Variants in ESRRG observed in about 807,000 individuals in gnomAD.
ESRRG encodes estrogen-related receptor gamma.
Under a neutral mutation model 44.0 loss-of-function variants are expected in ESRRG, and 13 were observed. The observed-to-expected ratio is 0.30, with a 90% CI of 0.19 to 0.47. The LOEUF is 0.47. ESRRG is among the 20% of genes least tolerant of loss of function. ESRRG has a pLI of 1.00. For missense variants in ESRRG, 395 were observed against 580.6 expected (o/e 0.68, Z 3.29); for synonymous variants, 215 against 214.6 (o/e 1.00, Z -0.02).
intron 1 of ESRRG, among the ~76,000 whole-genome samples, chr1:216,998,269 A>G (rs2076610894): frequency 6.6e-6 from 1 of 152,230 alleles, no homozygotes; most frequent in East Asian, 1.9e-4. Flanking sequence ...ATAGATATTA[A>G]CATTGTCTAT....
chr1:216,535,520 T>G (rs2149187728), intron 5 of ESRRG, among the ~76,000 whole-genome samples: 1 of 152,260 alleles, frequency 6.6e-6, no homozygotes, highest in African/African-American at 2.4e-5. Context: ...CTTGACCTAC[T>G]TCCCTTCTTG....
At chr1:216,755,415 G>C (rs2092383450) in intron 2 of ESRRG, among the ~76,000 whole-genome samples, 1 of 151,644 alleles carries the variant, frequency 6.6e-6, no homozygotes, top group Admixed American at 6.6e-5. Flanking sequence ...AGGAGCATTT[G>C]GTTAAATAAA....
chr1:217,091,350 CT>C, upstream of ESRRG, among the ~76,000 whole-genome samples: 4 of 152,222 alleles, frequency 2.6e-5, no homozygotes, highest in African/African-American at 9.6e-5. Flanking sequence ...GAGAGAAAAA[CT>C]TTTGAATTCA....
At chr1:217,002,401 G>T (rs2077163073) in intron 1 of ESRRG, among the ~76,000 whole-genome samples, 1 of 151,482 alleles carries the variant, frequency 6.6e-6, no homozygotes, top group African/African-American at 2.4e-5. Flanking sequence ...TTTTAGGGCA[G>T]ATCCGTCCCT....
Position 216,505,914 on chromosome 1 carries a change from A to G in ESRRG, c.*1025T>C, listed in dbSNP as rs2041109955. The G allele has an allele frequency of 6.6e-6, 1 of 152,660 alleles. No homozygotes were observed. The highest frequency in any genetic ancestry group is 2.4e-5 in the African/African-American group (1 of 41,460). The allele number at this position is 152,660 out of a possible 1,614,324, so 9.5% of individuals were successfully genotyped here. On this transcript the variant is annotated 3_prime_UTR_variant, in exon 7 of 7. Transcript: ENST00000408911. ...AAATCTCCATTTGTAAGAAGAAACA[A>G]AACATTTTTAAAAATCTTCCTTCAG...
At chr1:216,741,203 TTTATATAATTTATA>T (rs1406522394) in intron 2 of ESRRG, among the ~76,000 whole-genome samples, 2 of 147,370 alleles carry the variant, frequency 1.4e-5, no homozygotes, top group Admixed American at 6.8e-5. Flanking sequence ...ATATTTATAA[TTTATATAATTTATA>T]TTATATAATT....
In ESRRG at chr1:217,069,104, A is replaced by G. The variant is rs111917279; in HGVS notation, c.-106+20403T>C. The stretch of plus-strand genomic sequence containing the variant: ...AACATTTGAGTCAGTGGACTGGGAA[A>G]GGCTGACCCATCCTTAATCTGTTTG... On this transcript the variant is annotated intron_variant, in intron 1 of 7. Coordinates refer to the ESRRG transcript ENST00000359162. Among the ~76,000 whole-genome samples, 907 of 152,338 alleles carry G rather than the reference A, an allele frequency of 6.0e-3. 8 individuals carry two copies. The highest frequency in any genetic ancestry group is 0.021 in the African/African-American group (877 of 41,578).
At chr1:217,129,470 T>G (rs2092932495) in intron 1 of ESRRG, among the ~76,000 whole-genome samples, 1 of 152,176 alleles carries the variant, frequency 6.6e-6, no homozygotes. Flanking sequence ...AAAACATATG[T>G]TTAAACAAAA....
At chr1:216,717,535 A>G (rs1350501335) in intron 1 of ESRRG, among the ~76,000 whole-genome samples, 5 of 151,890 alleles carry the variant, frequency 3.3e-5, no homozygotes, top group Non-Finnish European at 5.9e-5. Flanking sequence ...TTAAAAACAC[A>G]ATAGCAGTAA....
At chr1:216,659,432 C>T (rs1005985685) in intron 2 of ESRRG, among the ~76,000 whole-genome samples, 3 of 152,216 alleles carry the variant, frequency 2.0e-5, no homozygotes, top group East Asian at 3.9e-4. Context: ...AACCACATCT[C>T]ATGAACACTT....
At chr1:216,709,316 G>GAT (rs2083102586) in intron 1 of ESRRG, among the ~76,000 whole-genome samples, 1 of 133,756 alleles carries the variant, frequency 7.5e-6, no homozygotes, top group African/African-American at 2.8e-5. Flanking sequence ...TGTGTGTACA[G>GAT]ATATATATGT....
chr1:216,688,308 T>G lies in ESRRG; in HGVS notation c.57-10817A>C, dbSNP rs571467315. ...GAAATTGGCTGTCAAGACAGGATTGTTGTGATTTATACCCGTCTATCAAGT... is the reference window on the plus strand; with the variant it reads ...GAAATTGGCTGTCAAGACAGGATTGGTGTGATTTATACCCGTCTATCAAGT... On this transcript the variant is annotated intron_variant, in intron 1 of 6. Coordinates refer to ENST00000408911, the MANE Select transcript of ESRRG (RefSeq NM_001438.4). Among the ~76,000 whole-genome samples the G allele has an allele frequency of 3.9e-5, 6 of 152,308 alleles. No homozygotes were observed. In the South Asian group the frequency reaches 1.0e-3, roughly 26 times the overall value.
chr1:216,737,329 G>C (rs767965083), intron 2 of ESRRG, among the ~76,000 whole-genome samples: 1 of 152,240 alleles, frequency 6.6e-6, no homozygotes, highest in Admixed American at 6.5e-5. Context: ...AGACAGGTGG[G>C]CTGGTGGGTT....
intron 1 of ESRRG, among the ~76,000 whole-genome samples, chr1:217,087,882 C>T (rs1013096335): frequency 9.2e-5 from 14 of 152,304 alleles, no homozygotes; most frequent in African/African-American, 3.4e-4. Flanking sequence ...GATGAAACCT[C>T]ATCAATGTCA....
At chr1:216,890,433 G>A (rs942154479) in intron 2 of ESRRG, among the ~76,000 whole-genome samples, 2 of 152,142 alleles carry the variant, frequency 1.3e-5, no homozygotes, top group African/African-American at 4.8e-5. Flanking sequence ...CACAAGCTAT[G>A]AGCTGCGGAT....
chr1:216,542,150 C>T (rs1314853458), intron 5 of ESRRG, among the ~76,000 whole-genome samples: 2 of 150,748 alleles, frequency 1.3e-5, no homozygotes, highest in Non-Finnish European at 3.0e-5. Context: ...CCTTGTTGAT[C>T]AGTTCCTATC....
intron 2 of ESRRG, among the ~76,000 whole-genome samples, chr1:216,799,872 G>T (rs2094567792): frequency 6.6e-6 from 1 of 152,112 alleles, no homozygotes; most frequent in African/African-American, 2.4e-5. Flanking sequence ...TGTCTCATTA[G>T]TCAGTAATTT....
intron 3 of ESRRG, among the ~76,000 whole-genome samples, chr1:216,619,896 C>T (rs2150446259): frequency 6.6e-6 from 1 of 152,182 alleles, no homozygotes; most frequent in African/African-American, 2.4e-5. Flanking sequence ...ACTAATATGC[C>T]TATTCAATGT....
At position 216,918,833 on chromosome 1, in the gene ESRRG, C is replaced by T. The variant is rs998374374; in HGVS notation, c.-14+20749G>A. 8.1e-5 allele frequency among the ~76,000 whole-genome samples: 12 copies of T among 147,542 alleles called. No individual in the cohort carries two copies. The South Asian group carries it at 1.1e-3, about 13-fold the overall frequency. On this transcript the variant is annotated intron_variant, in intron 2 of 7. Transcript: ENST00000359162. ...TGAAAACCAGAGTAACATTTCTGAT[C>T]GTAGATATATATATAATAATATATA...
Sources: gnomAD v4.1 joint callset for allele counts (sites outside exome capture counted in the v4.1 genomes callset) on GRCh38, gnomAD v4.1.1 for gene constraint, MANE v1.5 for transcripts, NCBI Gene and HGNC (gene_info 2026-07-23, HGNC 2026-07-21) for gene names.